PTPN13: variants seen among roughly 807,000 people sequenced by gnomAD.
The protein encoded by PTPN13 is tyrosine-protein phosphatase non-receptor type 13.
PTPN13 carries 191 observed loss-of-function variants against 284.0 expected under a neutral mutation model. The observed-to-expected ratio is 0.67, with a 90% CI of 0.60 to 0.76. PTPN13 has a LOEUF of 0.76. PTPN13 is among the 30% of genes least tolerant of loss of function. The probability of loss-of-function intolerance (pLI) is 0.00; values close to 1 mark genes in which losing one functional copy is unlikely to be tolerated. For synonymous variants in PTPN13, 986 were observed against 1,022.3 expected (o/e 0.96, Z 0.68); for missense variants, 2,797 against 2,939.9 (o/e 0.95, Z 1.12).
In PTPN13 at chr4:86,771,461, GA is replaced by G; in HGVS notation, c.5095del (p.Ser1699ValfsTer72). ...QAQSHHEAPK[S>X]QEDTICTMFY... Reference sequence around the variant, plus strand: ...CACAGAGTCATCATGAAGCACCCAAGAGTCAAGAAGATACCATTTGTACCAT... The same window carrying G: ...CACAGAGTCATCATGAAGCACCCAAGGTCAAGAAGATACCATTTGTACCAT... On this transcript the variant is annotated frameshift_variant, in exon 31 of 48. Coordinates refer to ENST00000411767, the MANE Select transcript of PTPN13 (RefSeq NM_080683.3). LOFTEE classifies it high-confidence loss of function. 2 of 1,565,084 alleles carry G rather than the reference GA, an allele frequency of 1.3e-6. No individual in the cohort carries two copies. Among genetic ancestry groups the G allele is most frequent in the South Asian group, 2.3e-5 (2 of 85,170 alleles).
rs1239471352 is a variant in PTPN13, at chr4:86,775,362, T to C, written c.5680+20T>C. 6.2e-6 allele frequency: 10 copies of C among 1,607,530 alleles called. No individual in the cohort carries two copies. The highest frequency in any genetic ancestry group is 8.5e-6 in the Non-Finnish European group (10 of 1,175,746). On this transcript the variant is annotated intron_variant, in intron 34 of 47. Transcript: ENST00000411767. ...AGTTGGGTAATGAAAAGTCAAACTT[T>C]GTACAATATGATTTTCTTGGTTAGC...
At chr4:86,743,751 A>G (rs1277101693) in intron 16 of PTPN13, among the ~76,000 whole-genome samples, 1 of 152,214 alleles carries the variant, frequency 6.6e-6, no homozygotes, top group Non-Finnish European at 1.5e-5. Flanking sequence ...TAGAAATTGT[A>G]AAGATGACAG....
At chr4:86,769,137 T>G (rs943816655) in intron 28 of PTPN13, among the ~76,000 whole-genome samples, 1 of 152,222 alleles carries the variant, frequency 6.6e-6, no homozygotes, top group South Asian at 2.1e-4. Flanking sequence ...GATAAGAAAT[T>G]TATTGAAATA....
Position 86,785,497 on chromosome 4 carries a change from A to G in PTPN13, c.6256+129A>G, listed in dbSNP as rs961373689. 8.0e-6 allele frequency: 7 copies of G among 873,298 alleles called. No homozygotes were observed. In the Admixed American group the frequency reaches 1.9e-4, roughly 23 times the overall value. 54.1% of individuals were successfully genotyped at this position (873,298 alleles called of 1,614,324 possible). On this transcript the variant is annotated intron_variant, in intron 39 of 47. Transcript: ENST00000411767. ...CTCATTCATGTGTAATATTTCAGAAACAAAACAGAATTTGTTATCTCCTAT... is the reference window on the plus strand; with the variant it reads ...CTCATTCATGTGTAATATTTCAGAAGCAAAACAGAATTTGTTATCTCCTAT...
In PTPN13 at chr4:86,780,260, C is replaced by T. The variant is rs1488638269; in HGVS notation, c.5892-142C>T. The T allele has an allele frequency of 4.5e-6, 3 of 662,724 alleles. No homozygotes were observed. The East Asian group carries it at 8.3e-5, about 18-fold the overall frequency. 41.1% of individuals were successfully genotyped at this position (662,724 alleles called of 1,614,324 possible). On this transcript the variant is annotated intron_variant, in intron 35 of 47. Transcript: ENST00000411767. Reference sequence around the variant, plus strand: ...CAAAAAATACAAAAAAATAGCTGGGCATGGTGGCACATGCCTGTGGTCCCA... The same window carrying T: ...CAAAAAATACAAAAAAATAGCTGGGTATGGTGGCACATGCCTGTGGTCCCA...
intron 3 of PTPN13, among the ~76,000 whole-genome samples, chr4:86,676,318 C>A (rs1261105480): frequency 6.6e-6 from 1 of 152,170 alleles, no homozygotes; most frequent in African/African-American, 2.4e-5. Context: ...GATACTATCT[C>A]ACATCCATTA....
At chr4:86,747,187 G>C (rs1297489142) in intron 17 of PTPN13, among the ~76,000 whole-genome samples, 2 of 152,212 alleles carry the variant, frequency 1.3e-5, no homozygotes, top group East Asian at 3.9e-4. Flanking sequence ...AGAACAATAT[G>C]GTATAGCAGT....
chr4:86,637,564 A>G (rs1450480265), intron 2 of PTPN13, among the ~76,000 whole-genome samples: 1 of 151,076 alleles, frequency 6.6e-6, no homozygotes, highest in Non-Finnish European at 1.5e-5. Flanking sequence ...TATAAACAGA[A>G]CCAAAGACAA....
intron 2 of PTPN13, among the ~76,000 whole-genome samples, chr4:86,646,526 G>C (rs1724445397): frequency 2.0e-5 from 3 of 152,106 alleles, no homozygotes; most frequent in African/African-American, 7.2e-5. Context: ...TGGAACTCCT[G>C]GCCTCAAATC....
chr4:86,688,135 A>T (rs1729636957), intron 4 of PTPN13, among the ~76,000 whole-genome samples: 1 of 152,110 alleles, frequency 6.6e-6, no homozygotes, highest in South Asian at 2.1e-4. Context: ...GTCAGGACAG[A>T]TTTCTTAAAG....
Position 86,750,474 on chromosome 4 carries a change from A to G in PTPN13, c.2655A>G (p.Arg885=). The stretch of plus-strand genomic sequence containing the variant: ...AGCAATCCTATTTCCTTGTAGAGAG[A>G]GCTTCGTTTAGGAGCCTGAATCTCC... ...QSNQDAQDIE[R]ASFRSLNLQA... The change falls in exon 18 of 48, where the codon AGA becomes AGG. Residue 885 remains arginine, a synonymous_variant. Transcript: ENST00000411767. 2 of 1,610,986 alleles carry G rather than the reference A, an allele frequency of 1.2e-6. No individual in the cohort carries two copies. Among genetic ancestry groups the G allele is most frequent in the Non-Finnish European group, 1.7e-6 (2 of 1,178,520 alleles).
At chr4:86,805,164 A>T in intron 43 of PTPN13, 115 bp from the exon 44 acceptor site, 1 of 567,532 alleles carries the variant, frequency 1.8e-6, no homozygotes, top group South Asian at 2.7e-5. Context: ...ATCTGTATTT[A>T]ACACTCAGAA....
chr4:86,767,687 C>T (rs989016248), intron 27 of PTPN13, 130 bp from the exon 28 acceptor site: 27 of 688,008 alleles, frequency 3.9e-5, no homozygotes, highest in Non-Finnish European at 4.7e-5. Context: ...TTTTCTCCCC[C>T]TTCATTTGGT....
In PTPN13 at chr4:86,732,671, G is replaced by A. The variant is rs747827581; in HGVS notation, c.1763G>A (p.Cys588Tyr). The A allele has an allele frequency of 1.1e-5, 17 of 1,613,514 alleles. No homozygotes were observed. Among genetic ancestry groups the A allele is most frequent in the Non-Finnish European group, 1.4e-5 (17 of 1,179,676 alleles). Residue 588 changes from cysteine to tyrosine, a missense_variant, in exon 12 of 48, where the codon TGT becomes TAT. Coordinates refer to ENST00000411767, the MANE Select transcript of PTPN13 (RefSeq NM_080683.3). ...LLNGQRLELTCDTKTICKDVF... is the reference protein window; with the variant it reads ...LLNGQRLELTYDTKTICKDVF... ...AACGGGCAAAGACTGGAACTGACCT[G>A]TGATACCAAAACTATATGTAAAGAT...
chr4:86,712,358 G>A (rs151127242), intron 7 of PTPN13, among the ~76,000 whole-genome samples: 2 of 151,170 alleles, frequency 1.3e-5, no homozygotes, highest in Non-Finnish European at 3.0e-5. Flanking sequence ...GGTCATCTCA[G>A]AGAACCAAGA....
At chr4:86,645,654 A>G (rs1724336740) in intron 2 of PTPN13, among the ~76,000 whole-genome samples, 1 of 152,228 alleles carries the variant, frequency 6.6e-6, no homozygotes, top group Non-Finnish European at 1.5e-5. Context: ...AAGGCCTATG[A>G]AACAAAAAGT....
chr4:86,667,689 G>A (rs1295683098), intron 2 of PTPN13, among the ~76,000 whole-genome samples: 1 of 152,204 alleles, frequency 6.6e-6, no homozygotes, highest in Admixed American at 6.5e-5. Flanking sequence ...ATCCTTCAGA[G>A]TTTGGAACAG....
At chr4:86,605,610 A>G (rs777495450) in intron 1 of PTPN13, among the ~76,000 whole-genome samples, 1 of 151,916 alleles carries the variant, frequency 6.6e-6, no homozygotes, top group Non-Finnish European at 1.5e-5. Context: ...ATGTGGGCCT[A>G]TTGATGAATA....
intron 26 of PTPN13, among the ~76,000 whole-genome samples, chr4:86,765,958 G>T (rs1477531335): frequency 6.6e-6 from 1 of 152,004 alleles, no homozygotes; most frequent in Non-Finnish European, 1.5e-5. Context: ...CTCCCAAGTA[G>T]CTGGGACTAC....
Sources: gnomAD v4.1 joint callset for allele counts (sites outside exome capture counted in the v4.1 genomes callset) on GRCh38, gnomAD v4.1.1 for gene constraint, MANE v1.5 for transcripts, NCBI Gene and HGNC (gene_info 2026-07-23, HGNC 2026-07-21) for gene names.